The following DYNC2LI1 variants were observed in gnomAD, a reference collection of about 807,000 sequenced individuals.
DYNC2LI1 encodes cytoplasmic dynein 2 light intermediate chain 1.
Under a neutral mutation model 51.9 loss-of-function variants are expected in DYNC2LI1, and 45 were observed. The observed-to-expected ratio is 0.87, with a 90% confidence interval of 0.68 to 1.11. The LOEUF (loss-of-function observed/expected upper bound fraction) is 1.11, where lower values mean the gene tolerates loss of function less well. DYNC2LI1 is among the 50% of genes most tolerant of loss of function. The pLI, the probability that DYNC2LI1 is intolerant of heterozygous loss-of-function variation, is 0.00. For synonymous variants in DYNC2LI1, 130 were observed against 137.8 expected (o/e 0.94, Z 0.40); for missense variants, 490 against 417.4 (o/e 1.17, Z -1.51).
At chr2:43,802,562 C>A (rs1006240358) in intron 10 of DYNC2LI1, among the ~76,000 whole-genome samples, 5 of 152,064 alleles carry the variant, frequency 3.3e-5, no homozygotes, top group Non-Finnish European at 7.4e-5. Context: ...CAACTTAATT[C>A]CAGTAGCAGT....
At chr2:43,778,519 A>G (rs768952252) in intron 2 of DYNC2LI1, among the ~76,000 whole-genome samples, 2 of 152,190 alleles carry the variant, frequency 1.3e-5, no homozygotes, top group Non-Finnish European at 2.9e-5. Flanking sequence ...AGTACTTAAC[A>G]GTTTCCTACA....
rs78766548 is a variant in DYNC2LI1 at position 43,799,034 on chromosome 2, G to C, written c.655-1807G>C. Among the ~76,000 whole-genome samples the C allele has an allele frequency of 9.1e-3, 1,390 of 152,212 alleles. 26 individuals are homozygous for C. Among genetic ancestry groups the C allele is most frequent in the African/African-American group, 0.032 (1,323 of 41,534 alleles). On this transcript the variant is annotated intron_variant, in intron 8 of 12. Coordinates refer to ENST00000260605, the MANE Select transcript of DYNC2LI1 (RefSeq NM_016008.4). ...AACAAAACACAGGCCAGGTGTGGTA[G>C]CTCTTGCCTCTAATCTCAACACTTG...
chr2:43,776,831 A>G lies in DYNC2LI1; in HGVS notation c.58A>G (p.Asn20Asp). Residue 20 changes from asparagine to aspartate, a missense_variant, in exon 2 of 13, where the codon AAT (asparagine) becomes GAT (aspartate). Coordinates refer to ENST00000260605, the MANE Select transcript of DYNC2LI1 (RefSeq NM_016008.4). The stretch of plus-strand genomic sequence containing the variant: ...AGCTGAAGTGGAAAAAAGGGGAATT[A>G]ATGGAAGTGAAGGTGATGGAGCTGA... Reference protein sequence around the residue: ...AKAEVEKRGINGSEGDGAEIA... With the variant: ...AKAEVEKRGIDGSEGDGAEIA... 6.2e-7 allele frequency: 1 copy of G among 1,603,584 alleles called. No homozygotes were observed. Among genetic ancestry groups the G allele is most frequent in the Non-Finnish European group, 8.5e-7 (1 of 1,175,136 alleles).
chr2:43,826,326 T>C, the DYNC2LI1 span: 2 of 1,611,786 alleles, frequency 1.2e-6, no homozygotes, highest in Non-Finnish European at 1.7e-6. Flanking sequence ...CCCCTGCCCC[T>C]GTGATTCCCA....
At chr2:43,788,129 T>C (rs1673607652) in intron 4 of DYNC2LI1, among the ~76,000 whole-genome samples, 1 of 152,242 alleles carries the variant, frequency 6.6e-6, no homozygotes, top group South Asian at 2.1e-4. Context: ...CATTGGAAAC[T>C]TTGAGACAGC....
chr2:43,817,410 G>T, the DYNC2LI1 span, among the ~76,000 whole-genome samples: 2 of 152,102 alleles, frequency 1.3e-5, no homozygotes, highest in African/African-American at 4.8e-5. Flanking sequence ...GCTTGAACCT[G>T]AGAGACGGAG....
the DYNC2LI1 span, among the ~76,000 whole-genome samples, chr2:43,815,599 G>C: frequency 6.6e-6 from 1 of 152,140 alleles, no homozygotes; most frequent in African/African-American, 2.4e-5. Context: ...AAAAGGATAC[G>C]TGGGACTCTG....
rs141472754 is a variant in DYNC2LI1, at chr2:43,782,680, A to C, written c.127-840A>C. Among the ~76,000 whole-genome samples the C allele has an allele frequency of 3.4e-4, 51 of 151,982 alleles. 1 individual carries two copies. Among genetic ancestry groups the C allele is most frequent in the African/African-American group, 1.1e-3 (47 of 41,430 alleles). On this transcript the variant is annotated intron_variant, in intron 2 of 12. Coordinates refer to ENST00000260605, the MANE Select transcript of DYNC2LI1 (RefSeq NM_016008.4). The stretch of plus-strand genomic sequence containing the variant: ...ATTAGGCCAGAACTTGTATTTCCTT[A>C]CTCCTAAAAAGAAACTTGGGGTTGG...
At position 43,800,907 on chromosome 2, in the gene DYNC2LI1, A is replaced by C; in HGVS notation, c.721A>C (p.Ile241Leu). 6.2e-7 allele frequency: 1 copy of C among 1,600,164 alleles called. No homozygotes were observed. Among genetic ancestry groups the C allele is most frequent in the South Asian group, 1.1e-5 (1 of 89,720 alleles). The change falls in exon 9 of 13, where the codon ATT becomes CTT. Residue 241 changes from isoleucine (I) to leucine (L), a missense_variant. Ile to Leu is a conservative substitution (Grantham distance 5). Transcript: ENST00000260605. Reference protein sequence around the residue: ...RGVINQLAFGIDKSKSICVDQ... With the variant: ...RGVINQLAFGLDKSKSICVDQ... ...AGTTATCAACCAGTTGGCATTTGGC[A>C]TTGACAAAAGGTACTGCTAAGATAT...
chr2:43,792,981 T>G, intron 5 of DYNC2LI1: 3 of 511,016 alleles, frequency 5.9e-6, no homozygotes, highest in South Asian at 4.3e-5. Context: ...ATTATCTGTT[T>G]AAATCTCTTC....
downstream of DYNC2LI1, among the ~76,000 whole-genome samples, chr2:43,812,105 C>T (rs4952684): frequency 0.22 from 33,343 of 151,804 alleles, 4,277 homozygotes; most frequent in African/African-American, 0.34. Context: ...GGCTGGAGTG[C>T]AGTGGTTCCA....
chr2:43,822,615 C>T, the DYNC2LI1 span: 56 of 985,048 alleles, frequency 5.7e-5, no homozygotes, highest in Non-Finnish European at 6.4e-5. Flanking sequence ...CTGCAACCCA[C>T]AGTTGGGCTA....
At chr2:43,822,548 A>C in the DYNC2LI1 span, 3 of 984,142 alleles carry the variant, frequency 3.0e-6, no homozygotes, top group South Asian at 4.7e-5. Flanking sequence ...CCTGCCGTGA[A>C]TGTGGGACAG....
intron 2 of DYNC2LI1, among the ~76,000 whole-genome samples, chr2:43,778,455 C>T (rs974009218): frequency 3.9e-5 from 6 of 152,112 alleles, no homozygotes; most frequent in Non-Finnish European, 5.9e-5. Context: ...CCCCTGGCTA[C>T]GCATTATTTC....
At chr2:43,827,293 C>G in the DYNC2LI1 span, among the ~76,000 whole-genome samples, 1 of 150,626 alleles carries the variant, frequency 6.6e-6, no homozygotes, top group Non-Finnish European at 1.5e-5. Context: ...CCACTGCACT[C>G]CAGCCTGGGC....
the DYNC2LI1 span, among the ~76,000 whole-genome samples, chr2:43,827,238 T>C: frequency 6.6e-6 from 1 of 150,526 alleles, no homozygotes. Context: ...GGCAGGAGAA[T>C]CGCTTCAACC....
intron 12 of DYNC2LI1, among the ~76,000 whole-genome samples, chr2:43,806,383 G>GT (rs991569343): frequency 1.3e-5 from 2 of 152,096 alleles, no homozygotes; most frequent in African/African-American, 2.4e-5. Flanking sequence ...AGGAGCCAGG[G>GT]TTTTTTTCTC....
chr2:43,790,581 C>G (rs1055759647), intron 5 of DYNC2LI1, among the ~76,000 whole-genome samples: 6 of 148,130 alleles, frequency 4.1e-5, no homozygotes, highest in Admixed American at 1.3e-4. Context: ...GATTTACTTT[C>G]TTTCACTTAT....
chr2:43,814,221 A>G (rs1426826953), downstream of DYNC2LI1, among the ~76,000 whole-genome samples: 1 of 152,190 alleles, frequency 6.6e-6, no homozygotes, highest in African/African-American at 2.4e-5. Context: ...AGTTTACCTC[A>G]GTGTACATAA....
Sources: allele counts gnomAD v4.1 joint callset (sites outside exome capture counted in the v4.1 genomes callset), GRCh38; gene constraint gnomAD v4.1.1; transcripts MANE v1.5; gene names NCBI Gene and HGNC (gene_info 2026-07-23, HGNC 2026-07-21).